Variants in RASGEF1B observed in about 807,000 individuals in gnomAD.
RASGEF1B encodes the protein RasGEF domain family member 1B, also known as ras-GEF domain-containing family member 1B.
A neutral mutation model predicts 65.7 loss-of-function variants in RASGEF1B; 30 were observed. That is an observed-to-expected ratio of 0.46 (90% CI 0.34 to 0.62). The LOEUF (loss-of-function observed/expected upper bound fraction) is 0.62, where lower values mean the gene tolerates loss of function less well. Ranked by LOEUF, RASGEF1B falls within the 20% of genes least tolerant of loss-of-function variation. The pLI is 0.01. For synonymous variants in RASGEF1B, 175 were observed against 194.8 expected (o/e 0.90, Z 0.85); for missense variants, 495 against 580.1 (o/e 0.85, Z 1.51).
At chr4:81,468,084 G>C (rs1722909444) in intron 1 of RASGEF1B, among the ~76,000 whole-genome samples, 1 of 152,076 alleles carries the variant, frequency 6.6e-6, no homozygotes, top group Admixed American at 6.5e-5. Context: ...CTACCATACT[G>C]AACAGCACAG....
rs902551332 is a variant in RASGEF1B, at chr4:81,426,907, A to G, written c.*861T>C. ...AGAGAAAAATAACAGGCATCATGGA[A>G]AACTAAGTAACAAAAAGCTATTGAA... On this transcript the variant is annotated 3_prime_UTR_variant, in exon 14 of 14. Transcript: ENST00000264400. 1 of 150,772 alleles carries G rather than the reference A, an allele frequency of 6.6e-6. No homozygotes were observed. Among genetic ancestry groups the G allele is most frequent in the African/African-American group, 2.5e-5 (1 of 40,772 alleles). The allele number at this position is 150,772 out of a possible 1,614,324, so 9.3% of individuals were successfully genotyped here.
rs186507312 is a variant in RASGEF1B, at chr4:81,433,364, C to T, written c.1324+476G>A. Among the ~76,000 whole-genome samples the T allele has an allele frequency of 4.9e-3, 747 of 152,096 alleles. 5 individuals carry two copies. Among genetic ancestry groups the T allele is most frequent in the African/African-American group, 0.017 (702 of 41,492 alleles). ...AATCTCTAAGTATTTTATGAGCTCA[C>T]TTCTGATGATTTTTTTCTGTATCTA... is the stretch of plus-strand genomic sequence containing the variant. On this transcript the variant is annotated intron_variant, in intron 12 of 13. Coordinates refer to ENST00000264400, the MANE Select transcript of RASGEF1B (RefSeq NM_152545.3).
At chr4:81,430,487 T>C (rs1721393089) in intron 13 of RASGEF1B, among the ~76,000 whole-genome samples, 1 of 152,178 alleles carries the variant, frequency 6.6e-6, no homozygotes. Flanking sequence ...GAGCGCCTTG[T>C]AATACAGGCC....
intron 1 of RASGEF1B, among the ~76,000 whole-genome samples, chr4:81,464,109 A>G (rs1189334433): frequency 6.6e-6 from 1 of 152,140 alleles, no homozygotes; most frequent in Non-Finnish European, 1.5e-5. Flanking sequence ...TTCATCTTCC[A>G]CAACTAATAT....
intron 1 of RASGEF1B, among the ~76,000 whole-genome samples, chr4:81,460,383 C>A (rs1722602044): frequency 6.6e-6 from 1 of 152,178 alleles, no homozygotes; most frequent in Non-Finnish European, 1.5e-5. Flanking sequence ...CAGTCTCTGG[C>A]ACCACGTCTG....
chr4:81,433,052 GA>G (rs766242934), intron 12 of RASGEF1B, among the ~76,000 whole-genome samples: 2,740 of 106,012 alleles, frequency 0.026, 28 homozygotes, highest in Middle Eastern at 0.064. Flanking sequence ...GTCTCTACAA[GA>G]AAAAAAAAAA....
In RASGEF1B at chr4:81,427,228, AG is replaced by A. The variant is rs1464455254; in HGVS notation, c.*539del. ...CATACTAAGGGGAAACAAAGTCTGC[AG>A]TCAGCTTCCAACCAGTCTTACCCCT... On this transcript the variant is annotated 3_prime_UTR_variant, in exon 14 of 14. Coordinates refer to ENST00000264400, the MANE Select transcript of RASGEF1B (RefSeq NM_152545.3). 6.5e-6 allele frequency: 1 copy of A among 153,026 alleles called. No individual in the cohort carries two copies. The highest frequency in any genetic ancestry group is 1.5e-5 in the Non-Finnish European group (1 of 68,384). 9.5% of individuals were successfully genotyped at this position (153,026 alleles called of 1,614,324 possible).
intron 5 of RASGEF1B, 42 bp from the exon 6 acceptor site, chr4:81,447,620 G>A: frequency 2.1e-6 from 3 of 1,459,458 alleles, no homozygotes; most frequent in Non-Finnish European, 2.9e-6. Context: ...TAAAGAAAAT[G>A]AAAAGAAATG....
In RASGEF1B at chr4:81,468,728, G is replaced by C. The variant is rs182172588; in HGVS notation, c.-7+3042C>G. Reference sequence around the variant, plus strand: ...TCCTCTCTTCATTTCCATGTACCCAGAAAGTAGGTGAACACCTAACTGCAA... The same window carrying C: ...TCCTCTCTTCATTTCCATGTACCCACAAAGTAGGTGAACACCTAACTGCAA... On this transcript the variant is annotated intron_variant, in intron 1 of 13. Transcript: ENST00000264400. Among the ~76,000 whole-genome samples, 117 of 152,250 alleles carry C rather than the reference G, an allele frequency of 7.7e-4. 1 individual carries two copies. Among genetic ancestry groups the C allele is most frequent in the African/African-American group, 2.6e-3 (109 of 41,534 alleles).
At chr4:81,451,839 C>A (rs919605260) in intron 4 of RASGEF1B, 3 of 152,232 alleles carry the variant, frequency 2.0e-5, no homozygotes, top group Non-Finnish European at 4.4e-5. Context: ...ACATCATGCA[C>A]CTTCTCCTCA....
At chr4:81,439,401 G>C (rs1721759227) in intron 10 of RASGEF1B, among the ~76,000 whole-genome samples, 1 of 152,096 alleles carries the variant, frequency 6.6e-6, no homozygotes, top group Non-Finnish European at 1.5e-5. Flanking sequence ...TGATGTGAAG[G>C]GTAAATACTT....
intron 13 of RASGEF1B, among the ~76,000 whole-genome samples, chr4:81,431,096 C>A: frequency 6.6e-6 from 1 of 152,012 alleles, no homozygotes; most frequent in Non-Finnish European, 1.5e-5. Context: ...ATTCTCAAAT[C>A]TTTTATCCAG....
intron 10 of RASGEF1B, among the ~76,000 whole-genome samples, chr4:81,440,332 A>G (rs1215730591): frequency 6.6e-6 from 1 of 152,206 alleles, no homozygotes; most frequent in Non-Finnish European, 1.5e-5. Flanking sequence ...TTTCTCAGAC[A>G]TGACCCCTGT....
At chr4:81,439,282 T>C (rs570468782) in intron 10 of RASGEF1B, among the ~76,000 whole-genome samples, 3 of 152,310 alleles carry the variant, frequency 2.0e-5, no homozygotes, top group African/African-American at 4.8e-5. Flanking sequence ...TTTTTAATAA[T>C]TGAATGGCTG....
chr4:81,443,500 G>A (rs1721919130), intron 8 of RASGEF1B, among the ~76,000 whole-genome samples: 1 of 152,170 alleles, frequency 6.6e-6, no homozygotes, highest in Non-Finnish European at 1.5e-5. Context: ...CGTTTTGTCT[G>A]TCCTAGAACT....
In RASGEF1B at chr4:81,468,386, G is replaced by A. The variant is rs557019971; in HGVS notation, c.-7+3384C>T. 2.2e-3 allele frequency among the ~76,000 whole-genome samples: 340 copies of A among 152,166 alleles called. 2 individuals are homozygous for A. The highest frequency in any genetic ancestry group is 3.3e-3 in the Non-Finnish European group (223 of 67,998). On this transcript the variant is annotated intron_variant, in intron 1 of 13. Coordinates refer to ENST00000264400, the MANE Select transcript of RASGEF1B (RefSeq NM_152545.3). ...CAATAGAAAGATATTGGTAGTCCAG[G>A]CTAATTTGTACTTTCTCTGGGTTAA...
intron 10 of RASGEF1B, among the ~76,000 whole-genome samples, chr4:81,437,876 T>A (rs1721688443): frequency 6.6e-6 from 1 of 152,356 alleles, no homozygotes; most frequent in South Asian, 2.1e-4. Context: ...AATCAGATTA[T>A]AAGGACTTCA....
intron 13 of RASGEF1B, among the ~76,000 whole-genome samples, chr4:81,429,092 C>T (rs1028409912): frequency 2.6e-5 from 4 of 152,234 alleles, no homozygotes; most frequent in Non-Finnish European, 4.4e-5. Flanking sequence ...TGTGCTTGCC[C>T]TCAAGGGGCT....
At chr4:81,446,634 A>G (rs747440528) in intron 6 of RASGEF1B, among the ~76,000 whole-genome samples, 62 of 152,200 alleles carry the variant, frequency 4.1e-4, no homozygotes, top group Non-Finnish European at 7.8e-4. Flanking sequence ...TCCCAAGTAG[A>G]TAAACAGAAG....
Sources: gnomAD v4.1 joint callset for allele counts (sites outside exome capture counted in the v4.1 genomes callset) on GRCh38, gnomAD v4.1.1 for gene constraint, MANE v1.5 for transcripts, NCBI Gene and HGNC (gene_info 2026-07-23, HGNC 2026-07-21) for gene names.